Variants in PSAT1 observed in about 807,000 individuals in gnomAD.
The protein encoded by PSAT1 is phosphoserine aminotransferase 1.
PSAT1 carries 41 observed loss-of-function variants against 40.3 expected under a neutral mutation model. The ratio of observed to expected loss-of-function variants is 1.02; its 90% CI spans 0.79 to 1.32. The LOEUF (loss-of-function observed/expected upper bound fraction) is 1.32, where lower values mean the gene tolerates loss of function less well. Among genes scored for constraint, PSAT1 ranks in the 40% most tolerant of loss-of-function variants. PSAT1 has a pLI of 0.00. For synonymous variants in PSAT1, 147 were observed against 170.5 expected (o/e 0.86, Z 1.07); for missense variants, 406 against 455.8 (o/e 0.89, Z 0.99).
chr9:78,319,198 G>A (rs1486328527), intron 7 of PSAT1, among the ~76,000 whole-genome samples: 2 of 152,222 alleles, frequency 1.3e-5, no homozygotes, highest in African/African-American at 4.8e-5. Context: ...ACTTAGGATT[G>A]TACTTTTTAG....
intron 4 of PSAT1, among the ~76,000 whole-genome samples, 162 bp downstream of exon 4, chr9:78,305,102 T>C (rs1389267599): frequency 6.6e-6 from 1 of 152,136 alleles, no homozygotes; most frequent in African/African-American, 2.4e-5. Flanking sequence ...CTATGCATAC[T>C]CTTACTTTAT....
rs183140118 is a variant in PSAT1 at position 78,316,055 on chromosome 9, G to A, written c.741-1621G>A. On this transcript the variant is annotated intron_variant, in intron 6 of 8. Coordinates refer to ENST00000376588, the MANE Select transcript of PSAT1 (RefSeq NM_058179.4). Reference sequence around the variant, plus strand: ...TGGGCGACCTCTCCTCCTGTGCCCTGAGCTTTTACTGAGTACACGTGGAGC... The same window carrying A: ...TGGGCGACCTCTCCTCCTGTGCCCTAAGCTTTTACTGAGTACACGTGGAGC... Among the ~76,000 whole-genome samples, 56 of 152,282 alleles carry A rather than the reference G, an allele frequency of 3.7e-4. No individual in the cohort carries two copies. The East Asian group carries it at 7.7e-3, about 21-fold the overall frequency.
intron 6 of PSAT1, among the ~76,000 whole-genome samples, chr9:78,310,215 G>T (rs1828246686): frequency 6.6e-6 from 1 of 152,218 alleles, no homozygotes; most frequent in Admixed American, 6.5e-5. Context: ...TAGGTAGCCA[G>T]TGTTATGATC....
intron 7 of PSAT1, 98 bp from the exon 8 acceptor site, chr9:78,327,953 T>C: frequency 7.8e-7 from 1 of 1,288,196 alleles, no homozygotes; most frequent in Non-Finnish European, 1.1e-6. Context: ...ATCTTCTGCT[T>C]GCATCTAGGA....
rs539437589 is a variant in PSAT1, at chr9:78,307,963, C to T, written c.571-451C>T. Among the ~76,000 whole-genome samples, 9 of 152,134 alleles carry T rather than the reference C, an allele frequency of 5.9e-5. No homozygotes were observed. In the South Asian group the frequency reaches 8.3e-4, roughly 14 times the overall value. On this transcript the variant is annotated intron_variant, in intron 5 of 8. Coordinates refer to ENST00000376588, the MANE Select transcript of PSAT1 (RefSeq NM_058179.4). ...CTGAGGCAGGAAAATTGCTTGAACC[C>T]GGGAGGCAGAGGTTGCAGTGAGCCG...
chr9:78,304,773 G>A lies in PSAT1; in HGVS notation c.230G>A (p.Gly77Glu). 1 of 1,614,170 alleles carries A rather than the reference G, an allele frequency of 6.2e-7. No individual in the cohort carries two copies. The highest frequency in any genetic ancestry group is 8.5e-7 in the Non-Finnish European group (1 of 1,180,022). Reference sequence around the variant, plus strand: ...AACTATAAGGTGATTTTTCTGCAAGGAGGTGGGTGCGGCCAGTTCAGTGCT... The same window carrying A: ...AACTATAAGGTGATTTTTCTGCAAGAAGGTGGGTGCGGCCAGTTCAGTGCT... The part of the protein sequence containing the change: ...PDNYKVIFLQ[G>E]GGCGQFSAVP... The change falls in exon 4 of 9, where the codon GGA becomes GAA. Residue 77 changes from glycine (G) to glutamate (E), a missense_variant. Gly to Glu is a moderately conservative substitution (Grantham distance 98, BLOSUM62 -2). Coordinates refer to ENST00000376588, the MANE Select transcript of PSAT1 (RefSeq NM_058179.4).
chr9:78,306,665 T>A (rs1470308390), intron 5 of PSAT1, among the ~76,000 whole-genome samples, 179 bp downstream of exon 5: 1 of 152,170 alleles, frequency 6.6e-6, no homozygotes, highest in Non-Finnish European at 1.5e-5. Flanking sequence ...AGTGCCTGAG[T>A]CCTGCTGTTC....
At chr9:78,308,357 T>C (rs904993629) in intron 5 of PSAT1, 57 bp from the exon 6 acceptor site, 1 of 1,575,714 alleles carries the variant, frequency 6.3e-7, no homozygotes. Context: ...GAAGTTTGCA[T>C]ACATGTATGA....
At chr9:78,318,704 C>T (rs375680046) in intron 7 of PSAT1, among the ~76,000 whole-genome samples, 59 of 152,310 alleles carry the variant, frequency 3.9e-4, no homozygotes, top group African/African-American at 1.3e-3. Flanking sequence ...TAGGGCCTGT[C>T]CAGATAATCC....
chr9:78,312,523 C>T (rs1263519095), intron 6 of PSAT1, among the ~76,000 whole-genome samples: 1 of 151,918 alleles, frequency 6.6e-6, no homozygotes, highest in Non-Finnish European at 1.5e-5. Context: ...TGGACAAACC[C>T]CGTCTCTACT....
chr9:78,316,488 C>G (rs540533846), intron 6 of PSAT1, among the ~76,000 whole-genome samples: 3 of 152,164 alleles, frequency 2.0e-5, no homozygotes, highest in African/African-American at 7.2e-5. Context: ...TATTCTGCCG[C>G]TTTTTCTGCT....
Position 78,328,961 on chromosome 9 carries a change from T to C in PSAT1, c.1008-20T>C. ...ATTAGACGTTTTTGTTCTCAATGCCTGGATCTTTGGTCATTCTAGGTCTGT... is the reference window on the plus strand; with the variant it reads ...ATTAGACGTTTTTGTTCTCAATGCCCGGATCTTTGGTCATTCTAGGTCTGT... On this transcript the variant is annotated intron_variant, in intron 8 of 8. Coordinates refer to ENST00000376588, the MANE Select transcript of PSAT1 (RefSeq NM_058179.4). 1 of 1,593,934 alleles carries C rather than the reference T, an allele frequency of 6.3e-7. No individual in the cohort carries two copies. The highest frequency in any genetic ancestry group is 8.6e-7 in the Non-Finnish European group (1 of 1,161,694).
intron 1 of PSAT1, chr9:78,298,179 C>A: frequency 1.9e-6 from 1 of 529,918 alleles, no homozygotes; most frequent in Non-Finnish European, 2.4e-6. Context: ...CCGCCAAACC[C>A]ACCGTCCCCA....
At chr9:78,309,336 C>T (rs191736561) in intron 6 of PSAT1, among the ~76,000 whole-genome samples, 1 of 152,326 alleles carries the variant, frequency 6.6e-6, no homozygotes, top group East Asian at 1.9e-4. Context: ...CCTGACAGAA[C>T]ATACTGGCTT....
rs573647836 is a variant in PSAT1, at chr9:78,328,052, T to C, written c.871T>C (p.Cys291Arg). ...IIDNSQGFYV[C>R]PVEPQNRSKM... ...TGGAATAATAAACATGTTTTTCAGT[T>C]GTCCAGTGGAGCCCCAAAATAGAAG... Residue 291 changes from cysteine to arginine, a missense_variant and splice_region_variant, in exon 8 of 9, where the codon TGT (cysteine) becomes CGT (arginine). Coordinates refer to ENST00000376588, the MANE Select transcript of PSAT1 (RefSeq NM_058179.4). 8.7e-6 allele frequency: 14 copies of C among 1,610,324 alleles called. No homozygotes were observed. The highest frequency in any genetic ancestry group is 1.2e-5 in the Non-Finnish European group (14 of 1,178,420).
At chr9:78,298,420 T>C in intron 1 of PSAT1, 1 of 985,394 alleles carries the variant, frequency 1.0e-6, no homozygotes, top group Non-Finnish European at 1.2e-6. Context: ...AATCCAATTT[T>C]AAAGGGGAAA....
At chr9:78,322,478 A>G (rs1264763988) in intron 7 of PSAT1, among the ~76,000 whole-genome samples, 1 of 152,182 alleles carries the variant, frequency 6.6e-6, no homozygotes, top group Admixed American at 6.5e-5. Context: ...GCTGCTGTCT[A>G]TGTCCAGGAG....
chr9:78,301,758 A>G (rs961090037), intron 2 of PSAT1, among the ~76,000 whole-genome samples, 196 bp from the exon 3 acceptor site: 1 of 152,220 alleles, frequency 6.6e-6, no homozygotes, highest in Non-Finnish European at 1.5e-5. Context: ...TGCCATGACT[A>G]TAAAGCTAAA....
At chr9:78,322,571 A>G (rs1288558178) in intron 7 of PSAT1, among the ~76,000 whole-genome samples, 6 of 152,246 alleles carry the variant, frequency 3.9e-5, no homozygotes, top group Non-Finnish European at 8.8e-5. Context: ...AAAATTTTAT[A>G]TGGCTTAAGA....
Sources: gnomAD v4.1 joint callset for allele counts (sites outside exome capture counted in the v4.1 genomes callset) on GRCh38, gnomAD v4.1.1 for gene constraint, MANE v1.5 for transcripts, NCBI Gene and HGNC (gene_info 2026-07-23, HGNC 2026-07-21) for gene names.